Variants in FOSL2 observed in about 807,000 individuals in gnomAD.
FOSL2 encodes FOS like 2, AP-1 transcription factor subunit.
In FOSL2, 3 loss-of-function variants were observed where a neutral mutation model predicts 27.7. That is an observed-to-expected ratio of 0.11 (90% confidence interval 0.05 to 0.28). FOSL2 has a LOEUF of 0.28. Ranked by LOEUF, FOSL2 falls within the 10% of genes least tolerant of loss-of-function variation. The pLI is 1.00. For missense variants in FOSL2, 333 were observed against 445.1 expected (o/e 0.75, Z 2.27); for synonymous variants, 179 against 190.1 (o/e 0.94, Z 0.48).
intron 2 of FOSL2, among the ~76,000 whole-genome samples, chr2:28,407,783 A>T (rs76822004): frequency 6.6e-6 from 1 of 151,870 alleles, no homozygotes; most frequent in African/African-American, 2.4e-5. Flanking sequence ...TCCTTGTGTC[A>T]CCTCTGCCTG....
rs541113258 is a variant in FOSL2 at position 28,412,178 on chromosome 2, G to A, written c.711G>A (p.Gly237=). Residue 237 remains glycine, a synonymous_variant, in exon 4 of 4, where the codon GGG becomes GGA. Transcript: ENST00000264716. This position sits in a 1 kb window ranked among gnomAD's most constrained non-coding sequence, Gnocchi z 7.1. ...EEDSPSSSSA[G]LDKAQRSVIK... ...ACAGCCCCTCGTCCTCGTCGGCGGG[G>A]CTGGACAAGGCCCAGCGCTCTGTCA... The A allele has an allele frequency of 1.2e-6, 2 of 1,608,804 alleles. No homozygotes were observed. The highest frequency in any genetic ancestry group is 1.7e-6 in the Non-Finnish European group (2 of 1,176,890).
chr2:28,411,296 C>T (rs910658839), intron 3 of FOSL2, among the ~76,000 whole-genome samples: 1 of 152,212 alleles, frequency 6.6e-6, no homozygotes, highest in African/African-American at 2.4e-5. Context: ...AAAGTCTCCA[C>T]TCTCTAGCAG....
At chr2:28,411,829 C>T in intron 3 of FOSL2, 101 bp from the exon 4 acceptor site, 1 of 1,279,698 alleles carries the variant, frequency 7.8e-7, no homozygotes, top group Non-Finnish European at 1.1e-6. Flanking sequence ...GTGTGAGCCT[C>T]TGCTCTCACA....
chr2:28,406,519 C>T (rs1272490659), intron 2 of FOSL2, among the ~76,000 whole-genome samples: 3 of 152,184 alleles, frequency 2.0e-5, no homozygotes, highest in African/African-American at 7.2e-5. Context: ...TAGAGTCTCA[C>T]AGTGAATTAG....
At chr2:28,406,354 G>A (rs1003992978) in intron 2 of FOSL2, among the ~76,000 whole-genome samples, 10 of 152,064 alleles carry the variant, frequency 6.6e-5, no homozygotes, top group Admixed American at 3.3e-4. Context: ...GAGCCACCGC[G>A]CCCGGCCACG....
At chr2:28,409,771 G>A (rs1431678433) in intron 3 of FOSL2, among the ~76,000 whole-genome samples, 1 of 152,054 alleles carries the variant, frequency 6.6e-6, no homozygotes, top group South Asian at 2.1e-4. Context: ...ATGGAGTTTC[G>A]CTCTTGTCGC....
rs570325225 is a variant in FOSL2 at position 28,405,688 on chromosome 2, G to A, written c.354+1330G>A. Among the ~76,000 whole-genome samples, 88 of 151,570 alleles carry A rather than the reference G, an allele frequency of 5.8e-4. 2 individuals are homozygous for A. Among genetic ancestry groups the A allele is most frequent in the African/African-American group, 2.1e-3 (87 of 41,416 alleles). Reference sequence around the variant, plus strand: ...TGGGTCTTGTATCCACTACTTGTTGGTTTGTTCTGTTAATGGCAGAACCAC... The same window carrying A: ...TGGGTCTTGTATCCACTACTTGTTGATTTGTTCTGTTAATGGCAGAACCAC... On this transcript the variant is annotated intron_variant, in intron 2 of 3. Transcript: ENST00000264716.
intron 3 of FOSL2, among the ~76,000 whole-genome samples, chr2:28,409,459 C>T (rs1260040106): frequency 6.6e-6 from 1 of 152,222 alleles, no homozygotes; most frequent in Non-Finnish European, 1.5e-5. Flanking sequence ...CCGCGTGCTG[C>T]TCTTGTGAGT....
At chr2:28,401,891 T>C (rs1663980832) in intron 1 of FOSL2, among the ~76,000 whole-genome samples, 1 of 152,216 alleles carries the variant, frequency 6.6e-6, no homozygotes, top group African/African-American at 2.4e-5. Flanking sequence ...TGGGTAACTT[T>C]CCTCCAGTAT....
intron 1 of FOSL2, among the ~76,000 whole-genome samples, chr2:28,399,562 G>A (rs989500091): frequency 1.2e-4 from 18 of 152,272 alleles, no homozygotes; most frequent in African/African-American, 4.1e-4. Flanking sequence ...ACAGGGTACA[G>A]CAGGGTGATG....
Position 28,392,893 on chromosome 2 carries a change from G to A in FOSL2, c.-828G>A. On this transcript the variant is annotated 5_prime_UTR_variant, in exon 1 of 4. Transcript: ENST00000264716. The stretch of plus-strand genomic sequence containing the variant: ...ATCTCGGGCAGAGCGCTAGGGCTCC[G>A]AGCGAACCAGCGAGCGAGCGAACGA... 4 of 714,732 alleles carry A rather than the reference G, an allele frequency of 5.6e-6. No homozygotes were observed. Among genetic ancestry groups the A allele is most frequent in the Non-Finnish European group, 1.0e-5 (4 of 383,384 alleles). The allele number at this position is 714,732 out of a possible 1,614,324, so 44.3% of individuals were successfully genotyped here.
At position 28,393,146 on chromosome 2, in the gene FOSL2, TCTC is replaced by T. The variant is rs1663712003; in HGVS notation, c.-572_-570del. 1 of 313,214 alleles carries T rather than the reference TCTC, an allele frequency of 3.2e-6. No individual in the cohort carries two copies. Among genetic ancestry groups the T allele is most frequent in the Admixed American group, 5.3e-5 (1 of 19,008 alleles). 19.4% of individuals were successfully genotyped at this position (313,214 alleles called of 1,614,324 possible). On this transcript the variant is annotated 5_prime_UTR_variant, in exon 1 of 4. Transcript: ENST00000264716. The surrounding 1 kb of genome is among the most constrained non-coding windows in gnomAD (Gnocchi z 4.6). ...GCCGCGGGACGGGCGCACGCCGCCT[TCTC>T]CTAGTCAAGTATCCGAGCCGCCCCG...
chr2:28,400,180 T>C (rs4617998), intron 1 of FOSL2, among the ~76,000 whole-genome samples: 83,417 of 151,964 alleles, frequency 0.55, 24,202 homozygotes, highest in African/African-American at 0.73. Context: ...TTACCTCTCC[T>C]GATCCCATCA....
chr2:28,398,605 C>A (rs537782555), intron 1 of FOSL2, among the ~76,000 whole-genome samples: 4 of 152,382 alleles, frequency 2.6e-5, no homozygotes, highest in South Asian at 4.1e-4. Flanking sequence ...CTTTCTGTTT[C>A]TTTCCTTCCC....
intron 1 of FOSL2, among the ~76,000 whole-genome samples, chr2:28,403,366 G>C (rs1664013420): frequency 6.6e-6 from 1 of 152,198 alleles, no homozygotes; most frequent in Non-Finnish European, 1.5e-5. Context: ...GTTTCCCACA[G>C]AAACATCTGT....
intron 2 of FOSL2, among the ~76,000 whole-genome samples, chr2:28,407,000 C>T (rs1664097993): frequency 2.0e-5 from 3 of 152,216 alleles, no homozygotes; most frequent in African/African-American, 7.2e-5. Context: ...ATGTTGATCT[C>T]ACCGCCCCTG....
In FOSL2 at chr2:28,412,603, A is replaced by G. The variant is rs1249386385; in HGVS notation, c.*155A>G. 1.3e-6 allele frequency: 1 copy of G among 768,758 alleles called. No individual in the cohort carries two copies. The highest frequency in any genetic ancestry group is 2.0e-6 in the Non-Finnish European group (1 of 488,996). 47.6% of individuals were successfully genotyped at this position (768,758 alleles called of 1,614,324 possible). A position where few individuals can be genotyped will look rare whatever the true frequency, so the allele number is the denominator to read the frequency against. ...CTGGGGGACCCAGGTGGGACTTAGCAGTGAGTATTGGAAGACTTGGGTTGA... is the reference window on the plus strand; with the variant it reads ...CTGGGGGACCCAGGTGGGACTTAGCGGTGAGTATTGGAAGACTTGGGTTGA... On this transcript the variant is annotated 3_prime_UTR_variant, in exon 4 of 4. Transcript: ENST00000264716. The surrounding 1 kb of genome is among the most constrained non-coding windows in gnomAD (Gnocchi z 7.1).
Position 28,393,425 on chromosome 2 carries a change from G to A in FOSL2, c.-296G>A. On this transcript the variant is annotated 5_prime_UTR_variant, in exon 1 of 4. Coordinates refer to ENST00000264716, the MANE Select transcript of FOSL2 (RefSeq NM_005253.4). The surrounding 1 kb of genome is among the most constrained non-coding windows in gnomAD (Gnocchi z 4.6). ...CGCGGGGGCGGGAGGGCGCGCGCAG[G>A]GGAGGGACCGAGAGACGCGCCGACT... is the stretch of plus-strand genomic sequence containing the variant. The A allele has an allele frequency of 5.3e-6, 2 of 375,536 alleles. No homozygotes were observed. Among genetic ancestry groups the A allele is most frequent in the Non-Finnish European group, 9.7e-6 (2 of 206,862 alleles). 23.3% of individuals were successfully genotyped at this position (375,536 alleles called of 1,614,324 possible). A position where few individuals can be genotyped will look rare whatever the true frequency, so the allele number is the denominator to read the frequency against.
At position 28,415,049 on chromosome 2, in the gene FOSL2, G is replaced by T. The variant is rs991545768; in HGVS notation, c.*2601G>T. 6.6e-6 allele frequency: 1 copy of T among 152,278 alleles called. No individual in the cohort carries two copies. The highest frequency in any genetic ancestry group is 2.4e-5 in the African/African-American group (1 of 41,440). The allele number at this position is 152,278 out of a possible 1,614,324, so 9.4% of individuals were successfully genotyped here. ...CATACACACACACACCCTTGCTCCA[G>T]AATCACCAGACACCTCCATGGCTCC... On this transcript the variant is annotated 3_prime_UTR_variant, in exon 4 of 4. Coordinates refer to ENST00000264716, the MANE Select transcript of FOSL2 (RefSeq NM_005253.4).
Sources: gnomAD v4.1 joint callset for allele counts (sites outside exome capture counted in the v4.1 genomes callset) on GRCh38, gnomAD v4.1.1 for gene constraint, Gnocchi (gnomAD v3.1) non-coding constraint, MANE v1.5 for transcripts, NCBI Gene and HGNC (gene_info 2026-07-23, HGNC 2026-07-21) for gene names.